Variants in ERBB4 observed in about 807,000 individuals in gnomAD.
ERBB4 encodes erb-b2 receptor tyrosine kinase 4, also known as receptor tyrosine-protein kinase erbB-4.
ERBB4 carries 42 observed loss-of-function variants against 158.0 expected under a neutral mutation model. That is an observed-to-expected ratio of 0.27 (90% CI 0.21 to 0.34). The LOEUF (loss-of-function observed/expected upper bound fraction) is 0.34. Among genes scored for constraint, ERBB4 ranks in the 10% least tolerant of loss-of-function variants. The pLI is 1.00. For synonymous variants in ERBB4, 583 were observed against 558.7 expected (o/e 1.04, Z -0.61); for missense variants, 1,333 against 1,624.1 (o/e 0.82, Z 3.08).
intron 2 of ERBB4, among the ~76,000 whole-genome samples, chr2:212,042,325 A>T (rs2077160715): frequency 6.6e-6 from 1 of 152,068 alleles, no homozygotes; most frequent in Admixed American, 6.6e-5. Flanking sequence ...AATTTTCCAT[A>T]ATTTACAGCA....
intron 3 of ERBB4, among the ~76,000 whole-genome samples, chr2:211,865,794 G>A (rs181746283): frequency 2.1e-4 from 32 of 152,116 alleles, no homozygotes; most frequent in East Asian, 5.8e-4. Context: ...ACCACAAGTC[G>A]TGCCAGTTCT....
At chr2:211,855,421 T>C (rs757041657) in intron 3 of ERBB4, among the ~76,000 whole-genome samples, 2 of 152,166 alleles carry the variant, frequency 1.3e-5, no homozygotes, top group Non-Finnish European at 2.9e-5. Flanking sequence ...CTCAAGGTAA[T>C]AAAAATATTC....
chr2:212,420,629 C>T (rs927522003), intron 1 of ERBB4, among the ~76,000 whole-genome samples: 8 of 152,210 alleles, frequency 5.3e-5, no homozygotes, highest in Admixed American at 1.3e-4. Flanking sequence ...ACCATATCCT[C>T]TTATAGAAGT....
chr2:212,332,998 T>TA (rs745610590), intron 1 of ERBB4, among the ~76,000 whole-genome samples: 6 of 152,052 alleles, frequency 3.9e-5, no homozygotes, highest in Non-Finnish European at 8.8e-5. Flanking sequence ...GAAATGGAAC[T>TA]AAGATCATCA....
intron 19 of ERBB4, among the ~76,000 whole-genome samples, chr2:211,616,982 C>G (rs2069414585): frequency 6.6e-6 from 1 of 152,026 alleles, no homozygotes; most frequent in African/African-American, 2.4e-5. Context: ...CAGCAGAAAT[C>G]TAAGACTTCA....
intron 1 of ERBB4, among the ~76,000 whole-genome samples, chr2:212,406,185 G>A (rs111483870): frequency 0.011 from 1,712 of 152,184 alleles, 14 homozygotes; most frequent in Middle Eastern, 0.034. Context: ...ATCACCAATA[G>A]GAGCCTGAGA....
chr2:211,520,331 C>T (rs6743879), intron 20 of ERBB4, among the ~76,000 whole-genome samples: 99,469 of 151,922 alleles, frequency 0.65, 33,938 homozygotes, highest in African/African-American at 0.85. Context: ...TAAATATTTA[C>T]AGTCTTTCAG....
intron 1 of ERBB4, among the ~76,000 whole-genome samples, chr2:212,288,799 T>G (rs2086098886): frequency 6.6e-6 from 1 of 152,012 alleles, no homozygotes; most frequent in South Asian, 2.1e-4. Context: ...GCCCTGGGAA[T>G]GATACTCCTA....
Position 211,974,919 on chromosome 2 carries a change from C to A in ERBB4, c.235-27303G>T, listed in dbSNP as rs73081343. ...GATCCCTCATAAGAAACTAATATAA[C>A]CAGATTTAATTTTTAAAAAATATTC... is the stretch of plus-strand genomic sequence containing the variant. On this transcript the variant is annotated intron_variant, in intron 2 of 27. Transcript: ENST00000342788. Among the ~76,000 whole-genome samples the A allele has an allele frequency of 4.8e-3, 723 of 152,138 alleles. 7 individuals carry two copies. Among genetic ancestry groups the A allele is most frequent in the African/African-American group, 0.016 (680 of 41,512 alleles).
chr2:211,527,863 A>T (rs2066392515), intron 20 of ERBB4, among the ~76,000 whole-genome samples: 1 of 152,060 alleles, frequency 6.6e-6, no homozygotes, highest in Non-Finnish European at 1.5e-5. Flanking sequence ...TGCAATGGAT[A>T]CACAAAAAAT....
At chr2:212,264,349 G>C (rs979628146) in intron 1 of ERBB4, among the ~76,000 whole-genome samples, 18 of 152,048 alleles carry the variant, frequency 1.2e-4, no homozygotes, top group Non-Finnish European at 2.5e-4. Context: ...CATATACTCA[G>C]TAATTACCAA....
At chr2:211,391,338 C>T (rs763746627) in intron 25 of ERBB4, among the ~76,000 whole-genome samples, 5 of 152,174 alleles carry the variant, frequency 3.3e-5, no homozygotes, top group Non-Finnish European at 5.9e-5. Context: ...CAGAACAAAG[C>T]AATGCTCTCA....
chr2:211,709,252 C>CATATATATATATATATAT (rs1373993593), intron 9 of ERBB4, among the ~76,000 whole-genome samples: 2 of 70,310 alleles, frequency 2.8e-5, no homozygotes, highest in African/African-American at 1.2e-4. Flanking sequence ...TATATATATA[C>CATATATATATATATATAT]ACATATATAT....
intron 2 of ERBB4, among the ~76,000 whole-genome samples, chr2:212,098,874 T>A (rs900119552): frequency 6.6e-6 from 1 of 152,170 alleles, no homozygotes; most frequent in Non-Finnish European, 1.5e-5. Context: ...TCAGGAATGA[T>A]GCAGAAATAA....
intron 1 of ERBB4, among the ~76,000 whole-genome samples, chr2:212,223,197 T>C (rs1424473004): frequency 6.6e-6 from 1 of 151,210 alleles, no homozygotes; most frequent in Non-Finnish European, 1.5e-5. Context: ...TGGAAACTCA[T>C]CTGATCCCAT....
At chr2:212,523,533 G>T (rs936217219) in intron 1 of ERBB4, among the ~76,000 whole-genome samples, 4 of 150,390 alleles carry the variant, frequency 2.7e-5, no homozygotes, top group African/African-American at 9.9e-5. Flanking sequence ...TATGAAGACT[G>T]TTAAGAAAAA....
At chr2:212,324,682 C>T (rs2087743781) in intron 1 of ERBB4, among the ~76,000 whole-genome samples, 1 of 150,196 alleles carries the variant, frequency 6.7e-6, no homozygotes, top group Admixed American at 6.6e-5. Flanking sequence ...CTAATTCTTT[C>T]TTCTTATGAG....
intron 2 of ERBB4, among the ~76,000 whole-genome samples, chr2:212,095,804 G>A (rs1409798975): frequency 6.6e-6 from 1 of 151,616 alleles, no homozygotes; most frequent in Non-Finnish European, 1.5e-5. Flanking sequence ...GCGTGGTGGT[G>A]GGCGCCTGTA....
At chr2:211,601,411 C>A (rs1287566365) in intron 19 of ERBB4, among the ~76,000 whole-genome samples, 2 of 151,888 alleles carry the variant, frequency 1.3e-5, no homozygotes, top group East Asian at 3.9e-4. Context: ...GGACGGGAAT[C>A]CCCAAACTGA....
Sources: gnomAD v4.1 joint callset for allele counts (sites outside exome capture counted in the v4.1 genomes callset) on GRCh38, gnomAD v4.1.1 for gene constraint, MANE v1.5 for transcripts, NCBI Gene and HGNC (gene_info 2026-07-23, HGNC 2026-07-21) for gene names.